The following EPN2 variants were observed in gnomAD, a reference collection of about 807,000 sequenced individuals.
EPN2 encodes the protein epsin 2.
A neutral mutation model predicts 61.7 loss-of-function variants in EPN2; 34 were observed. That is an observed-to-expected ratio of 0.55 (90% CI 0.42 to 0.73). The LOEUF (loss-of-function observed/expected upper bound fraction) is 0.73. Among genes scored for constraint, EPN2 ranks in the 30% least tolerant of loss-of-function variants. The probability of loss-of-function intolerance (pLI) is 0.00; values close to 1 mark genes in which losing one functional copy is unlikely to be tolerated. For synonymous variants in EPN2, 349 were observed against 353.6 expected (o/e 0.99, Z 0.15); for missense variants, 714 against 839.2 (o/e 0.85, Z 1.84).
chr17:19,293,761 T>G (rs1368076750), intron 4 of EPN2, among the ~76,000 whole-genome samples: 1 of 151,876 alleles, frequency 6.6e-6, no homozygotes, highest in Admixed American at 6.6e-5. Context: ...CTCCTCTGAT[T>G]GTCAGAATAT....
rs999611648 is a variant in EPN2 at position 19,336,254 on chromosome 17, A to T, written c.*2000A>T. 3 of 151,724 alleles carry T rather than the reference A, an allele frequency of 2.0e-5. No individual in the cohort carries two copies. The highest frequency in any genetic ancestry group is 7.3e-5 in the African/African-American group (3 of 41,188). 9.4% of individuals were successfully genotyped at this position (151,724 alleles called of 1,614,324 possible). ...GGTGGCTGGTCTCGTCTGCCGGGGG[A>T]AGGGTGGGGAGGTGCAATGGGATGG... On this transcript the variant is annotated 3_prime_UTR_variant, in exon 11 of 11. Transcript: ENST00000314728.
At chr17:19,276,306 G>T (rs144859315) in intron 1 of EPN2, 13 of 150,012 alleles carry the variant, frequency 8.7e-5, no homozygotes, top group Non-Finnish European at 1.9e-4. Flanking sequence ...TCCCATCTCA[G>T]TCTCCTGAGT....
chr17:19,297,380 G>A (rs1479771652), intron 4 of EPN2: 2 of 152,244 alleles, frequency 1.3e-5, no homozygotes, highest in Non-Finnish European at 2.9e-5. Flanking sequence ...TATGCAGATA[G>A]TATAACAGTA....
chr17:19,325,268 G>A (rs917944645), intron 7 of EPN2, among the ~76,000 whole-genome samples: 2 of 152,214 alleles, frequency 1.3e-5, no homozygotes, highest in Non-Finnish European at 2.9e-5. Context: ...AAGCCTAATG[G>A]CAACACCAGA....
rs568115823 is a variant in EPN2, at chr17:19,309,792, A to G, written c.767-93A>G. On this transcript the variant is annotated intron_variant, in intron 4 of 10. Coordinates refer to ENST00000314728, the MANE Select transcript of EPN2 (RefSeq NM_014964.5). ...TACTGCTGGACCTTGCGGGTTTGAG[A>G]TGGGAATGGAATGTGGTCTGCCCAG... 3.6e-3 allele frequency: 3,386 copies of G among 930,240 alleles called. 13 individuals are homozygous for G. The highest frequency in any genetic ancestry group is 7.2e-3 in the Middle Eastern group (34 of 4,708). 57.6% of individuals were successfully genotyped at this position (930,240 alleles called of 1,614,324 possible). A position where few individuals can be genotyped will look rare whatever the true frequency, so the allele number is the denominator to read the frequency against.
intron 4 of EPN2, among the ~76,000 whole-genome samples, chr17:19,293,981 C>G (rs1056163057): frequency 1.3e-5 from 2 of 151,446 alleles, no homozygotes; most frequent in Non-Finnish European, 2.9e-5. Flanking sequence ...TCCCAGCTAC[C>G]CAGGAAGCTG....
At chr17:19,266,788 T>G (rs1210060353) in intron 1 of EPN2, among the ~76,000 whole-genome samples, 2 of 151,970 alleles carry the variant, frequency 1.3e-5, no homozygotes, top group East Asian at 3.9e-4. Context: ...GTCCATCAAC[T>G]GATGAATGGG....
rs111365602 is a variant in EPN2, at chr17:19,331,791, A to G, written c.1412-62A>G. The G allele has an allele frequency of 4.9e-6, 7 of 1,434,826 alleles. No homozygotes were observed. The African/African-American group carries it at 8.4e-5, about 17-fold the overall frequency. The allele number at this position is 1,434,826 out of a possible 1,614,324, so 88.9% of individuals were successfully genotyped here. The stretch of plus-strand genomic sequence containing the variant: ...CCCCAGGAGGCCATGTTTTGTGTTA[A>G]GTACACAGTCTTAGGCTCTCCCTGC... On this transcript the variant is annotated intron_variant, in intron 9 of 10. Transcript: ENST00000314728.
rs756474525 is a variant in EPN2, at chr17:19,329,574, C to G, written c.1338C>G (p.Leu446=). 1 of 1,612,220 alleles carries G rather than the reference C, an allele frequency of 6.2e-7. No individual in the cohort carries two copies. Among genetic ancestry groups the G allele is most frequent in the Non-Finnish European group, 8.5e-7 (1 of 1,178,680 alleles). The change falls in exon 9 of 11, where the codon CTC becomes CTG. Residue 446 remains leucine (L), a synonymous_variant. Coordinates refer to ENST00000314728, the MANE Select transcript of EPN2 (RefSeq NM_014964.5). ...GTGTCCACCCAGGGTCCTTTGAGCT[C>G]TTCAGTAATCTGAATGGTACAATTA... ...KPVSVSGSFE[L]FSNLNGTIKD...
intron 3 of EPN2, among the ~76,000 whole-genome samples, chr17:19,284,945 T>C (rs1417329208): frequency 1.3e-5 from 2 of 152,266 alleles, no homozygotes; most frequent in Non-Finnish European, 2.9e-5. Flanking sequence ...GTTGTGACCT[T>C]GGTTAAACCA....
Position 19,289,724 on chromosome 17 carries a change from G to GTTTTGTTTTTTTTTTT in EPN2, c.766+3938_766+3939insGTTTTTTTTTTTTTTT, listed in dbSNP as rs772230550. On this transcript the variant is annotated intron_variant, in intron 4 of 10. Coordinates refer to ENST00000314728, the MANE Select transcript of EPN2 (RefSeq NM_014964.5). The stretch of plus-strand genomic sequence containing the variant: ...TGTTCGGCCTCACCTGGCGCTCATG[G>GTTTTGTTTTTTTTTTT]TTTTTTTTTTTTTTTTTTTTGAGAT... Among the ~76,000 whole-genome samples the GTTTTGTTTTTTTTTTT allele has an allele frequency of 1.3e-4, 10 of 78,044 alleles. 1 individual carries two copies. Among genetic ancestry groups the GTTTTGTTTTTTTTTTT allele is most frequent in the South Asian group, 5.8e-4 (1 of 1,714 alleles). 51.2% of individuals were successfully genotyped at this position (78,044 alleles called of 152,430 possible).
rs777526208 is a variant in EPN2 at position 19,313,227 on chromosome 17, C to T, written c.1095C>T (p.Pro365=). The T allele has an allele frequency of 6.3e-7, 1 of 1,597,672 alleles. No individual in the cohort carries two copies. The highest frequency in any genetic ancestry group is 1.1e-5 in the South Asian group (1 of 89,482). ...GPSASTNQTN[P]WGGPAAPAST... is the part of the protein sequence containing the mutation. The stretch of plus-strand genomic sequence containing the variant: ...CAGCCTCCACTAACCAGACCAACCC[C>T]TGGGGCGGGCCAGCGGCTCCTGCGA... The change falls in exon 7 of 11, where the codon CCC becomes CCT. Residue 365 remains proline (P), a synonymous_variant. Transcript: ENST00000314728.
At position 19,283,368 on chromosome 17, in the gene EPN2, C is replaced by T; in HGVS notation, c.249C>T (p.Tyr83=). Residue 83 remains tyrosine (Y), a synonymous_variant, in exon 3 of 11, where the codon TAC becomes TAT. Transcript: ENST00000314728. The surrounding 1 kb of genome is among the most constrained non-coding windows in gnomAD (Gnocchi z 7.0). ...HVYKALTLLD[Y]LIKTGSERVA... is the part of the protein sequence containing the mutation. ...ACAAGGCGCTGACCCTGCTGGACTA[C>T]CTCATCAAGACAGGCTCCGAACGTG... 6.2e-7 allele frequency: 1 copy of T among 1,614,100 alleles called. No homozygotes were observed. The highest frequency in any genetic ancestry group is 8.5e-7 in the Non-Finnish European group (1 of 1,179,958).
At chr17:19,252,139 A>C (rs1280269696) in intron 1 of EPN2, among the ~76,000 whole-genome samples, 1 of 152,050 alleles carries the variant, frequency 6.6e-6, no homozygotes, top group African/African-American at 2.4e-5. Flanking sequence ...AGGGATACCT[A>C]ATGTGAGAGA....
chr17:19,308,306 T>C (rs1905949091), intron 4 of EPN2: 1 of 889,926 alleles, frequency 1.1e-6, no homozygotes, highest in Admixed American at 6.2e-5. Context: ...ACTCCTGGCC[T>C]CAGGTGATCC....
chr17:19,263,191 T>C (rs1005032868), intron 1 of EPN2, among the ~76,000 whole-genome samples: 3 of 152,216 alleles, frequency 2.0e-5, no homozygotes, highest in African/African-American at 7.2e-5. Context: ...CATTTCTATC[T>C]CATCTCATTG....
intron 1 of EPN2, among the ~76,000 whole-genome samples, chr17:19,238,444 C>T (rs914563095): frequency 6.6e-6 from 1 of 152,168 alleles, no homozygotes; most frequent in African/African-American, 2.4e-5. Flanking sequence ...CTGTGAATCC[C>T]CCCGCCGGAG....
intron 4 of EPN2, among the ~76,000 whole-genome samples, chr17:19,293,534 C>CTTTTTTTTTTTTTTTTT (rs71155390): frequency 1.3e-4 from 7 of 52,438 alleles, no homozygotes; most frequent in Admixed American, 4.8e-4. Context: ...CCATACCCAG[C>CTTTTTTTTTTTTTTTTT]TTTTTTTTTT....
At chr17:19,241,258 T>C (rs2044881324) in intron 1 of EPN2, among the ~76,000 whole-genome samples, 1 of 152,102 alleles carries the variant, frequency 6.6e-6, no homozygotes, top group Admixed American at 6.6e-5. Context: ...CATTGTGAAA[T>C]GAATGTTTAT....
Sources: allele counts gnomAD v4.1 joint callset (sites outside exome capture counted in the v4.1 genomes callset), GRCh38; gene constraint gnomAD v4.1.1; non-coding constraint Gnocchi (gnomAD v3.1); transcripts MANE v1.5; gene names NCBI Gene and HGNC (gene_info 2026-07-23, HGNC 2026-07-21).